LCLAT1: variants seen among roughly 807,000 people sequenced by gnomAD.
LCLAT1 encodes the protein lysocardiolipin acyltransferase 1.
A neutral mutation model predicts 30.7 loss-of-function variants in LCLAT1; 11 were observed. The ratio of observed to expected loss-of-function variants is 0.36; its 90% confidence interval spans 0.23 to 0.59. The LOEUF is 0.59. Among genes scored for constraint, LCLAT1 ranks in the 20% least tolerant of loss-of-function variants. LCLAT1 has a pLI of 0.77. For missense variants in LCLAT1, 402 were observed against 458.6 expected (o/e 0.88, Z 1.13); for synonymous variants, 155 against 151.3 (o/e 1.02, Z -0.18).
chr2:30,631,613 C>G (rs1668775499), intron 5 of LCLAT1, among the ~76,000 whole-genome samples: 1 of 152,192 alleles, frequency 6.6e-6, no homozygotes, highest in Non-Finnish European at 1.5e-5. Flanking sequence ...TGCTAGGAAG[C>G]TCAGTATAGT....
chr2:30,613,342 G>A (rs911371492), intron 5 of LCLAT1, among the ~76,000 whole-genome samples: 1 of 152,148 alleles, frequency 6.6e-6, no homozygotes, highest in African/African-American at 2.4e-5. Flanking sequence ...TGTAGGTCGG[G>A]CAGGTGGGCA....
At chr2:30,499,513 ACTT>A (rs1684266062) in intron 1 of LCLAT1, among the ~76,000 whole-genome samples, 1 of 151,946 alleles carries the variant, frequency 6.6e-6, no homozygotes, top group African/African-American at 2.4e-5. Context: ...TTCATATGAG[ACTT>A]CTTGGGATTT....
intron 1 of LCLAT1, 70 bp downstream of exon 1, chr2:30,447,453 G>GTGCAGGAAGGGGAGC (rs1340397506): frequency 8.5e-5 from 13 of 152,766 alleles, no homozygotes; most frequent in African/African-American, 3.1e-4. Context: ...GATCTCAGAG[G>GTGCAGGAAGGGGAGC]TGCAGGAAGG....
chr2:30,589,047 TAA>T (rs936913639), intron 5 of LCLAT1, among the ~76,000 whole-genome samples: 63 of 152,270 alleles, frequency 4.1e-4, no homozygotes, highest in African/African-American at 1.4e-3. Context: ...AAGATTTTGG[TAA>T]AGAGTACATT....
chr2:30,544,248 C>T (rs2148414166), intron 3 of LCLAT1, among the ~76,000 whole-genome samples: 1 of 152,286 alleles, frequency 6.6e-6, no homozygotes, highest in African/African-American at 2.4e-5. Flanking sequence ...TATCTTATGT[C>T]CAAATTTTGT....
In LCLAT1 at chr2:30,533,251, T is replaced by C; in HGVS notation, c.301T>C (p.Tyr101His). ...WMFLWNCLMR[Y>H]SYLRLEKICL... ...GTTCCTGTGGAATTGCCTGATGCGA[T>C]ATAGCTACCTCAGATTGGAGAAAAT... The change falls in exon 3 of 6, where the codon TAT (tyrosine) becomes CAT (histidine). Residue 101 changes from tyrosine (Y) to histidine (H), a missense_variant. Physicochemically the swap from Tyr to His is moderately conservative, Grantham distance 83. Transcript: ENST00000379509. 2 of 1,614,134 alleles carry C rather than the reference T, an allele frequency of 1.2e-6. No homozygotes were observed. The highest frequency in any genetic ancestry group is 1.7e-4 in the Middle Eastern group (1 of 6,060).
At chr2:30,448,867 T>C (rs1376993490) in intron 1 of LCLAT1, among the ~76,000 whole-genome samples, 1 of 152,208 alleles carries the variant, frequency 6.6e-6, no homozygotes, top group Non-Finnish European at 1.5e-5. Context: ...AAAGTGAGTA[T>C]TTCTTATTCA....
At chr2:30,517,873 G>T (rs180762896) in intron 1 of LCLAT1, among the ~76,000 whole-genome samples, 9 of 152,112 alleles carry the variant, frequency 5.9e-5, no homozygotes, top group African/African-American at 1.7e-4. Context: ...GATCCTCTCC[G>T]TGACCCTGTA....
At chr2:30,584,050 G>A (rs1259910830) in intron 5 of LCLAT1, among the ~76,000 whole-genome samples, 5 of 151,850 alleles carry the variant, frequency 3.3e-5, no homozygotes, top group Non-Finnish European at 5.9e-5. Flanking sequence ...GCAGGCCCTG[G>A]TGTGTGTTGT....
chr2:30,484,957 G>A (rs1188280897), intron 1 of LCLAT1, among the ~76,000 whole-genome samples: 1 of 152,060 alleles, frequency 6.6e-6, no homozygotes, highest in East Asian at 1.9e-4. Context: ...TGGTATATGT[G>A]TGTTAAATTT....
chr2:30,599,042 G>C (rs978888840), intron 5 of LCLAT1, among the ~76,000 whole-genome samples: 8 of 151,690 alleles, frequency 5.3e-5, no homozygotes, highest in African/African-American at 1.9e-4. Context: ...GAGTGCAGTG[G>C]CGTGATCTCG....
At chr2:30,635,228 A>G (rs1668966108) in intron 5 of LCLAT1, among the ~76,000 whole-genome samples, 2 of 143,498 alleles carry the variant, frequency 1.4e-5, no homozygotes, top group Non-Finnish European at 3.1e-5. Context: ...CCCTGTCTTT[A>G]TATATATATA....
chr2:30,586,476 C>T (rs76860135), intron 5 of LCLAT1, among the ~76,000 whole-genome samples: 2,287 of 152,236 alleles, frequency 0.015, 52 homozygotes, highest in African/African-American at 0.053. Context: ...TGTGACTTCC[C>T]ACTTCTTTTA....
intron 5 of LCLAT1, among the ~76,000 whole-genome samples, chr2:30,625,630 A>G (rs149430491): frequency 6.6e-6 from 1 of 152,338 alleles, no homozygotes; most frequent in African/African-American, 2.4e-5. Flanking sequence ...GATTAATAAC[A>G]TTAGACTTTA....
intron 1 of LCLAT1, among the ~76,000 whole-genome samples, chr2:30,517,722 A>G (rs1685251014): frequency 6.6e-6 from 1 of 152,242 alleles, no homozygotes; most frequent in Non-Finnish European, 1.5e-5. Flanking sequence ...GGGGAAAAAG[A>G]GAGAAAGAGG....
intron 5 of LCLAT1, among the ~76,000 whole-genome samples, chr2:30,612,496 C>A (rs1173332798): frequency 3.9e-5 from 6 of 152,158 alleles, no homozygotes; most frequent in African/African-American, 1.4e-4. Flanking sequence ...ATACATGTGA[C>A]CTTGACTTCC....
At chr2:30,458,706 A>G (rs1319675268) in intron 1 of LCLAT1, among the ~76,000 whole-genome samples, 1 of 152,206 alleles carries the variant, frequency 6.6e-6, no homozygotes, top group Non-Finnish European at 1.5e-5. Context: ...GATACTCAGA[A>G]ACTGAGAATT....
chr2:30,607,459 T>G (rs1667505166), intron 5 of LCLAT1: 1 of 152,090 alleles, frequency 6.6e-6, no homozygotes, highest in Admixed American at 6.6e-5. Flanking sequence ...GGCAGTCTCA[T>G]AAGATCATAA....
chr2:30,525,040 TA>T (rs11408146), intron 1 of LCLAT1, among the ~76,000 whole-genome samples: 1,604 of 148,784 alleles, frequency 0.011, 24 homozygotes, highest in African/African-American at 0.036. Flanking sequence ...GGTTTTATGT[TA>T]AAAAAAAAAG....
Sources: allele counts gnomAD v4.1 joint callset (sites outside exome capture counted in the v4.1 genomes callset), GRCh38; gene constraint gnomAD v4.1.1; transcripts MANE v1.5; gene names NCBI Gene and HGNC (gene_info 2026-07-23, HGNC 2026-07-21).